The following CFAP299 variants were observed in gnomAD, a reference collection of about 807,000 sequenced individuals.
The protein encoded by CFAP299 is cilia- and flagella-associated protein 299.
Under a neutral mutation model 27.0 loss-of-function variants are expected in CFAP299, and 21 were observed. The observed-to-expected ratio is 0.78, with a 90% CI of 0.55 to 1.12. The LOEUF (loss-of-function observed/expected upper bound fraction) is 1.12. CFAP299 is among the 50% of genes most tolerant of loss of function. The probability of loss-of-function intolerance (pLI) is 0.00; values close to 1 mark genes in which losing one functional copy is unlikely to be tolerated. For missense variants in CFAP299, 310 were observed against 276.6 expected (o/e 1.12, Z -0.86); for synonymous variants, 104 against 98.1 (o/e 1.06, Z -0.36).
chr4:80,375,476 C>T (rs1724359642), intron 2 of CFAP299, among the ~76,000 whole-genome samples: 1 of 152,136 alleles, frequency 6.6e-6, no homozygotes, highest in African/African-American at 2.4e-5. Flanking sequence ...AGGGATGTGT[C>T]TGGGGATGTG....
intron 2 of CFAP299, among the ~76,000 whole-genome samples, chr4:80,573,548 C>T (rs1735698310): frequency 6.6e-6 from 1 of 152,046 alleles, no homozygotes; most frequent in African/African-American, 2.4e-5. Flanking sequence ...AGATCAATGT[C>T]CCAGAGATTT....
At chr4:80,841,479 C>T (rs1730859252) in intron 3 of CFAP299, among the ~76,000 whole-genome samples, 1 of 152,138 alleles carries the variant, frequency 6.6e-6, no homozygotes, top group Non-Finnish European at 1.5e-5. Flanking sequence ...GTTAAGTCTA[C>T]ACAGGTTAAG....
rs147385650 is a variant in CFAP299 at position 80,579,644 on chromosome 4, C to A, written c.243-3449C>A. ...TTCTGGCATTTTGTATCTGATAGAT[C>A]AGGGATAATTTTGATTTTCTTTGGA... is the stretch of plus-strand genomic sequence containing the variant. On this transcript the variant is annotated intron_variant, in intron 2 of 5. Coordinates refer to ENST00000358105, the MANE Select transcript of CFAP299 (RefSeq NM_152770.3). Among the ~76,000 whole-genome samples the A allele has an allele frequency of 3.2e-3, 490 of 152,076 alleles. 4 individuals are homozygous for A. Among genetic ancestry groups the A allele is most frequent in the Middle Eastern group, 0.014 (4 of 294 alleles).
intron 3 of CFAP299, among the ~76,000 whole-genome samples, chr4:80,671,954 G>A (rs185998158): frequency 1.3e-5 from 2 of 152,290 alleles, no homozygotes; most frequent in Non-Finnish European, 2.9e-5. Context: ...TGCACACAGG[G>A]ACAATTTGAC....
chr4:80,892,684 A>G (rs1734368154), intron 4 of CFAP299, among the ~76,000 whole-genome samples: 1 of 152,186 alleles, frequency 6.6e-6, no homozygotes. Context: ...AATATATTTC[A>G]ATGATATAAA....
chr4:80,339,135 C>A (rs572176007), intron 1 of CFAP299, among the ~76,000 whole-genome samples: 1 of 152,248 alleles, frequency 6.6e-6, no homozygotes, highest in East Asian at 1.9e-4. Context: ...TCTTCTCATT[C>A]CATTAGCTAT....
intron 2 of CFAP299, among the ~76,000 whole-genome samples, chr4:80,372,390 G>A (rs148082024): frequency 1.4e-3 from 215 of 152,324 alleles, no homozygotes; most frequent in African/African-American, 4.6e-3. Flanking sequence ...TTCCCTGGTC[G>A]GGATGCAACT....
chr4:80,441,777 C>G (rs904718932), intron 2 of CFAP299, among the ~76,000 whole-genome samples: 1 of 152,184 alleles, frequency 6.6e-6, no homozygotes, highest in African/African-American at 2.4e-5. Flanking sequence ...GATAAAGAGT[C>G]AAGACCCATC....
chr4:80,705,467 A>C (rs1206398834), intron 3 of CFAP299, among the ~76,000 whole-genome samples: 1 of 151,910 alleles, frequency 6.6e-6, no homozygotes, highest in Non-Finnish European at 1.5e-5. Context: ...TCCATTATCC[A>C]GAACCCTGTC....
intron 2 of CFAP299, among the ~76,000 whole-genome samples, chr4:80,579,150 G>C (rs769623249): frequency 3.9e-5 from 6 of 152,090 alleles, no homozygotes; most frequent in Non-Finnish European, 7.4e-5. Flanking sequence ...AAATATCAGG[G>C]ACCCTGCTCC....
chr4:80,835,540 G>T (rs1002217079), intron 3 of CFAP299, among the ~76,000 whole-genome samples: 7 of 150,990 alleles, frequency 4.6e-5, no homozygotes, highest in East Asian at 3.9e-4. Context: ...GCTGACTGTT[G>T]GTTCCCAATG....
intron 2 of CFAP299, among the ~76,000 whole-genome samples, chr4:80,463,087 AC>A (rs1288840276): frequency 6.6e-6 from 1 of 152,092 alleles, no homozygotes; most frequent in Non-Finnish European, 1.5e-5. Context: ...CTTCCCCAAA[AC>A]AGTGATTGGG....
chr4:80,607,541 G>A (rs1318809436), intron 3 of CFAP299, among the ~76,000 whole-genome samples: 2 of 151,942 alleles, frequency 1.3e-5, no homozygotes, highest in East Asian at 3.9e-4. Context: ...CCAGGGGTTA[G>A]AGCTGTAAAC....
At position 80,911,956 on chromosome 4, in the gene CFAP299, A is replaced by T. The variant is rs992786929; in HGVS notation, c.477-32854A>T. On this transcript the variant is annotated intron_variant, in intron 4 of 5. Coordinates refer to ENST00000358105, the MANE Select transcript of CFAP299 (RefSeq NM_152770.3). Reference sequence around the variant, plus strand: ...CTGAAATTGCCTCAAAATAAAAAAAAAAATATATGTACTGTATTCTACTTT... The same window carrying T: ...CTGAAATTGCCTCAAAATAAAAAAATAAATATATGTACTGTATTCTACTTT... 3.7e-3 allele frequency among the ~76,000 whole-genome samples: 557 copies of T among 152,282 alleles called. 2 individuals are homozygous for T. The highest frequency in any genetic ancestry group is 0.012 in the African/African-American group (518 of 41,564).
chr4:80,746,168 G>A (rs1346449527), intron 3 of CFAP299, among the ~76,000 whole-genome samples: 1 of 151,860 alleles, frequency 6.6e-6, no homozygotes, highest in African/African-American at 2.4e-5. Flanking sequence ...TTGGACATGG[G>A]CAAATAAATT....
chr4:80,842,536 A>G (rs1290871134), intron 3 of CFAP299, among the ~76,000 whole-genome samples: 1 of 152,172 alleles, frequency 6.6e-6, no homozygotes, highest in Non-Finnish European at 1.5e-5. Context: ...TTTATTGTGA[A>G]TGTAAAATGT....
At chr4:80,495,193 AT>A (rs1462989400) in intron 2 of CFAP299, among the ~76,000 whole-genome samples, 1 of 152,188 alleles carries the variant, frequency 6.6e-6, no homozygotes. Flanking sequence ...AGGTTTTATA[AT>A]GAAGTTAGCA....
At chr4:80,634,348 A>C (rs1739384970) in intron 3 of CFAP299, among the ~76,000 whole-genome samples, 1 of 152,154 alleles carries the variant, frequency 6.6e-6, no homozygotes, top group Non-Finnish European at 1.5e-5. Context: ...CAACAAATTC[A>C]ATTCAAATCA....
intron 4 of CFAP299, among the ~76,000 whole-genome samples, chr4:80,904,580 G>T (rs1404890827): frequency 6.6e-6 from 1 of 151,526 alleles, no homozygotes; most frequent in East Asian, 1.9e-4. Flanking sequence ...GATTAATATG[G>T]TAAGATCTGG....
Sources: gnomAD v4.1 joint callset for allele counts (sites outside exome capture counted in the v4.1 genomes callset) on GRCh38, gnomAD v4.1.1 for gene constraint, MANE v1.5 for transcripts, NCBI Gene and HGNC (gene_info 2026-07-23, HGNC 2026-07-21) for gene names.